The following CAMP variants were observed in gnomAD, a reference collection of about 807,000 sequenced individuals.
CAMP encodes cathelicidin antimicrobial peptide.
In CAMP, 10 loss-of-function variants were observed where a neutral mutation model predicts 12.7. The ratio of observed to expected loss-of-function variants is 0.79; its 90% CI spans 0.49 to 1.34. The LOEUF (loss-of-function observed/expected upper bound fraction) is 1.34. Among genes scored for constraint, CAMP ranks in the 40% most tolerant of loss-of-function variants. The probability of loss-of-function intolerance (pLI) is 0.00; values close to 1 mark genes in which losing one functional copy is unlikely to be tolerated. For synonymous variants in CAMP, 87 were observed against 85.2 expected (o/e 1.02, Z -0.12); for missense variants, 205 against 213.0 (o/e 0.96, Z 0.23).
At position 48,223,557 on chromosome 3, in the gene CAMP, G is replaced by A. The variant is rs1440786296; in HGVS notation, c.46G>A (p.Val16Met). Residue 16 changes from valine (V) to methionine (M), a missense_variant, in exon 1 of 4, where the codon GTG (valine) becomes ATG (methionine). Coordinates refer to ENST00000652295, the MANE Select transcript of CAMP (RefSeq NM_004345.5). ...CCACTCCCTGGGGCGGTGGTCACTG[G>A]TGCTCCTGCTGCTGGGCCTGGTGAT... ...DGHSLGRWSL[V>M]LLLLGLVMPL... 6.2e-7 allele frequency: 1 copy of A among 1,611,446 alleles called. No individual in the cohort carries two copies. The highest frequency in any genetic ancestry group is 1.3e-5 in the African/African-American group (1 of 75,018).
chr3:48,225,476 G>A lies in CAMP; in HGVS notation c.*52G>A. 6.4e-7 allele frequency: 1 copy of A among 1,555,964 alleles called. No homozygotes were observed. The highest frequency in any genetic ancestry group is 8.8e-7 in the Non-Finnish European group (1 of 1,137,220). Reference sequence around the variant, plus strand: ...CTGGGCTCTGAGAAATAAACTATGAGAGCAATTTCCTCAGGCTTCAGTCTC... The same window carrying A: ...CTGGGCTCTGAGAAATAAACTATGAAAGCAATTTCCTCAGGCTTCAGTCTC... On this transcript the variant is annotated 3_prime_UTR_variant, in exon 4 of 4. Coordinates refer to ENST00000652295, the MANE Select transcript of CAMP (RefSeq NM_004345.5).
intron 3 of CAMP, 56 bp downstream of exon 3, chr3:48,224,730 C>A: frequency 7.8e-7 from 1 of 1,286,378 alleles, no homozygotes; most frequent in Non-Finnish European, 1.1e-6. Context: ...TGTGGACCAT[C>A]CAATGGGTCA....
rs749339540 is a variant in CAMP at position 48,223,708 on chromosome 3, C to T, written c.197C>T (p.Thr66Met). Residue 66 changes from threonine to methionine, a missense_variant, in exon 1 of 4, where the codon ACG becomes ATG. Transcript: ENST00000652295. ...CTCCTGGACCTGGACCCCAGGCCCA[C>T]GATGGTGAGCTTTGGGGGACATTCT... ...YRLLDLDPRP[T>M]MDGDPDTPKP... The T allele has an allele frequency of 6.3e-5, 101 of 1,612,302 alleles. 1 individual carries two copies. Among genetic ancestry groups the T allele is most frequent in the Non-Finnish European group, 7.1e-5 (84 of 1,178,636 alleles).
chr3:48,223,594 T>A lies in CAMP; in HGVS notation c.83T>A (p.Ile28Asn). 1 of 1,613,858 alleles carries A rather than the reference T, an allele frequency of 6.2e-7. No individual in the cohort carries two copies. Among genetic ancestry groups the A allele is most frequent in the Non-Finnish European group, 8.5e-7 (1 of 1,179,814 alleles). ...CTGGGCCTGGTGATGCCTCTGGCCA[T>A]CATTGCCCAGGTCCTCAGCTACAAG... is the stretch of plus-strand genomic sequence containing the variant. ...LLLGLVMPLAIIAQVLSYKEA... is the reference protein window; with the variant it reads ...LLLGLVMPLANIAQVLSYKEA... The change falls in exon 1 of 4, where the codon ATC (isoleucine) becomes AAC (asparagine). Residue 28 changes from isoleucine to asparagine, a missense_variant. By Grantham distance (149) the Ile-to-Asn change is moderately radical. Coordinates refer to ENST00000652295, the MANE Select transcript of CAMP (RefSeq NM_004345.5).
rs199987399 is a variant in CAMP at position 48,224,322 on chromosome 3, G to A, written c.202-32G>A. Reference sequence around the variant, plus strand: ...CATGGACACAAATCAGAAAATACAAGAATGGGCCTCCCCATTTCCTCCTCT... The same window carrying A: ...CATGGACACAAATCAGAAAATACAAAAATGGGCCTCCCCATTTCCTCCTCT... On this transcript the variant is annotated intron_variant, in intron 1 of 3. Coordinates refer to ENST00000652295, the MANE Select transcript of CAMP (RefSeq NM_004345.5). 5.6e-6 allele frequency: 8 copies of A among 1,434,452 alleles called. No homozygotes were observed. In the East Asian group the frequency reaches 1.4e-4, roughly 24 times the overall value. 88.9% of individuals were successfully genotyped at this position (1,434,452 alleles called of 1,614,324 possible). A position where few individuals can be genotyped will look rare whatever the true frequency, so the allele number is the denominator to read the frequency against.
Position 48,224,684 on chromosome 3 carries a change from C to A in CAMP, c.381+10C>A. On this transcript the variant is annotated intron_variant, in intron 3 of 3. Coordinates refer to ENST00000652295, the MANE Select transcript of CAMP (RefSeq NM_004345.5). ...CATCAGTTGTGATAAGGTGAGTGGG[C>A]TGTTCTGGGATGCAGGGGCTGATGG... 1 of 1,606,070 alleles carries A rather than the reference C, an allele frequency of 6.2e-7. No homozygotes were observed. Among genetic ancestry groups the A allele is most frequent in the Non-Finnish European group, 8.5e-7 (1 of 1,173,100 alleles).
At chr3:48,224,216 A>G in intron 1 of CAMP, 138 bp from the exon 2 acceptor site, 1 of 650,960 alleles carries the variant, frequency 1.5e-6, no homozygotes, top group Non-Finnish European at 2.8e-6. Flanking sequence ...TCCTCCCCTC[A>G]ATGCCCCAGT....
At chr3:48,223,778 C>A in intron 1 of CAMP, 66 bp downstream of exon 1, 1 of 1,213,918 alleles carries the variant, frequency 8.2e-7, no homozygotes, top group East Asian at 2.4e-5. Flanking sequence ...CCTTCTGCTC[C>A]TGCTGCACTG....
intron 1 of CAMP, among the ~76,000 whole-genome samples, chr3:48,224,126 G>T (rs917825968): frequency 2.6e-5 from 4 of 152,098 alleles, no homozygotes; most frequent in African/African-American, 9.7e-5. Context: ...ACCCCAGAGT[G>T]GGAGGGGCTC....
At position 48,224,341 on chromosome 3, in the gene CAMP, C is replaced by G; in HGVS notation, c.202-13C>G. On this transcript the variant is annotated splice_polypyrimidine_tract_variant and intron_variant, in intron 1 of 3. Coordinates refer to ENST00000652295, the MANE Select transcript of CAMP (RefSeq NM_004345.5). ...ATACAAGAATGGGCCTCCCCATTTCCTCCTCTGACTAGGATGGGGACCCAG... is the reference window on the plus strand; with the variant it reads ...ATACAAGAATGGGCCTCCCCATTTCGTCCTCTGACTAGGATGGGGACCCAG... 6.4e-7 allele frequency: 1 copy of G among 1,573,236 alleles called. No individual in the cohort carries two copies. Among genetic ancestry groups the G allele is most frequent in the Non-Finnish European group, 8.8e-7 (1 of 1,142,750 alleles).
At position 48,224,708 on chromosome 3, in the gene CAMP, G is replaced by A. The variant is rs778933537; in HGVS notation, c.381+34G>A. On this transcript the variant is annotated intron_variant, in intron 3 of 3. Transcript: ENST00000652295. ...GCTGTTCTGGGATGCAGGGGCTGAT[G>A]GGGGCATAGAGTGTGGACCATCCAA... 9 of 1,496,954 alleles carry A rather than the reference G, an allele frequency of 6.0e-6. No individual in the cohort carries two copies. In the African/African-American group the frequency reaches 1.2e-4, roughly 21 times the overall value. The allele number at this position is 1,496,954 out of a possible 1,614,324, so 92.7% of individuals were successfully genotyped here. A position where few individuals can be genotyped will look rare whatever the true frequency, so the allele number is the denominator to read the frequency against.
rs200905612 is a variant in CAMP, at chr3:48,225,456, C to T, written c.*32C>T. 7.5e-6 allele frequency: 12 copies of T among 1,591,386 alleles called. No individual in the cohort carries two copies. The Admixed American group carries it at 8.7e-5, about 12-fold the overall frequency. On this transcript the variant is annotated 3_prime_UTR_variant, in exon 4 of 4. Transcript: ENST00000652295. Reference sequence around the variant, plus strand: ...CCCTACCCTGGCTCAGGCTTCTGGGCTCTGAGAAATAAACTATGAGAGCAA... The same window carrying T: ...CCCTACCCTGGCTCAGGCTTCTGGGTTCTGAGAAATAAACTATGAGAGCAA...
In CAMP at chr3:48,223,544, G is replaced by C; in HGVS notation, c.33G>C (p.Gly11=). Residue 11 remains glycine, a synonymous_variant, in exon 1 of 4, where the codon GGG becomes GGC. Coordinates refer to ENST00000652295, the MANE Select transcript of CAMP (RefSeq NM_004345.5). ...CCCAAAGGGATGGCCACTCCCTGGG[G>C]CGGTGGTCACTGGTGCTCCTGCTGC... is the stretch of plus-strand genomic sequence containing the variant. MKTQRDGHSL[G]RWSLVLLLLG... 1 of 1,608,548 alleles carries C rather than the reference G, an allele frequency of 6.2e-7. No individual in the cohort carries two copies. Among genetic ancestry groups the C allele is most frequent in the South Asian group, 1.1e-5 (1 of 90,046 alleles).
chr3:48,224,309 T>G (rs889088156), intron 1 of CAMP, 45 bp from the exon 2 acceptor site: 1 of 1,353,808 alleles, frequency 7.4e-7, no homozygotes, highest in African/African-American at 1.4e-5. Context: ...TGGACACAAA[T>G]CAGAAAATAC....
intron 1 of CAMP, 79 bp from the exon 2 acceptor site, chr3:48,224,275 C>A: frequency 1.1e-6 from 1 of 944,906 alleles, no homozygotes; most frequent in Non-Finnish European, 1.7e-6. Flanking sequence ...CTGTGGAAAG[C>A]CTGCCCTCTT....
At chr3:48,224,287 G>A (rs1346030475) in intron 1 of CAMP, 67 bp from the exon 2 acceptor site, 1 of 1,076,386 alleles carries the variant, frequency 9.3e-7, no homozygotes, top group South Asian at 1.3e-5. Flanking sequence ...TGCCCTCTTG[G>A]TGGGGAGGTC....
chr3:48,224,020 C>T (rs1436210338), intron 1 of CAMP, among the ~76,000 whole-genome samples: 1 of 152,132 alleles, frequency 6.6e-6, no homozygotes, highest in African/African-American at 2.4e-5. Context: ...CTCTTCTGTA[C>T]CACGTTACCC....
chr3:48,224,904 C>T (rs2033484398), intron 3 of CAMP, among the ~76,000 whole-genome samples: 1 of 152,094 alleles, frequency 6.6e-6, no homozygotes, highest in Admixed American at 6.5e-5. Context: ...TTCTCAGGCC[C>T]TACTCAGACC....
chr3:48,225,245 G>A, intron 3 of CAMP, 48 bp from the exon 4 acceptor site: 1 of 1,603,530 alleles, frequency 6.2e-7, no homozygotes, highest in African/African-American at 1.3e-5. Flanking sequence ...GATTGACCCT[G>A]GGTACATCCC....
Sources: allele counts gnomAD v4.1 joint callset (sites outside exome capture counted in the v4.1 genomes callset), GRCh38; gene constraint gnomAD v4.1.1; transcripts MANE v1.5; gene names NCBI Gene and HGNC (gene_info 2026-07-23, HGNC 2026-07-21).